The following LHFPL4 variants were observed in gnomAD, a reference collection of about 807,000 sequenced individuals.
LHFPL4 encodes the protein LHFPL tetraspan subfamily member 4, also known as LHFPL tetraspan subfamily member 4 protein.
In LHFPL4, 6 loss-of-function variants were observed where a neutral mutation model predicts 20.0. The observed-to-expected ratio is 0.30, with a 90% CI of 0.16 to 0.59. The LOEUF (loss-of-function observed/expected upper bound fraction) is 0.59. Ranked by LOEUF, LHFPL4 falls within the 20% of genes least tolerant of loss-of-function variation. The pLI, the probability that LHFPL4 is intolerant of heterozygous loss-of-function variation, is 0.88. For synonymous variants in LHFPL4, 129 were observed against 143.8 expected, an observed-to-expected ratio of 0.90 and a Z score of 0.74; for missense variants, 215 against 331.2, an observed-to-expected ratio of 0.65 and a Z score of 2.72.
chr3:9,524,882 T>C (rs2046363265), intron 2 of LHFPL4, among the ~76,000 whole-genome samples: 1 of 152,066 alleles, frequency 6.6e-6, no homozygotes, highest in Non-Finnish European at 1.5e-5. Flanking sequence ...AGTGATGTGG[T>C]GGTAAGATGT....
At chr3:9,513,566 C>G (rs2046276248) in intron 2 of LHFPL4, among the ~76,000 whole-genome samples, 1 of 152,172 alleles carries the variant, frequency 6.6e-6, no homozygotes, top group South Asian at 2.1e-4. Context: ...CTCCTGGCCT[C>G]AAATGATCCT....
intron 3 of LHFPL4, 45 bp downstream of exon 3, chr3:9,505,922 C>G: frequency 1.9e-6 from 3 of 1,543,128 alleles, no homozygotes; most frequent in African/African-American, 1.4e-5. Context: ...CTCCCAGGAC[C>G]AGGCCTGGCT....
intron 2 of LHFPL4, among the ~76,000 whole-genome samples, chr3:9,524,089 T>A (rs146461065): frequency 4.7e-4 from 72 of 151,760 alleles, no homozygotes; most frequent in African/African-American, 1.6e-3. Flanking sequence ...GTAAGATGTT[T>A]GTTTTTTGTT....
intron 2 of LHFPL4, among the ~76,000 whole-genome samples, chr3:9,537,360 G>C (rs1436490578): frequency 3.9e-5 from 6 of 152,180 alleles, no homozygotes; most frequent in Admixed American, 3.3e-4. Context: ...GTTTTGGAGG[G>C]GGGTACTGTT....
intron 2 of LHFPL4, among the ~76,000 whole-genome samples, chr3:9,508,015 C>G (rs1439847051): frequency 2.0e-5 from 3 of 152,234 alleles, no homozygotes; most frequent in African/African-American, 7.2e-5. Context: ...TGAGCCTGCA[C>G]CAGGTCCACA....
chr3:9,538,880 G>A (rs2046460116), intron 2 of LHFPL4, among the ~76,000 whole-genome samples: 1 of 151,582 alleles, frequency 6.6e-6, no homozygotes, highest in Admixed American at 6.6e-5. Flanking sequence ...TTGTATTTTT[G>A]GTGGAGATGG....
intron 2 of LHFPL4, among the ~76,000 whole-genome samples, chr3:9,517,618 C>A (rs2046311689): frequency 6.7e-6 from 1 of 149,836 alleles, no homozygotes; most frequent in East Asian, 2.0e-4. Flanking sequence ...ATTGGTTGAG[C>A]CCAGGCCACA....
In LHFPL4 at chr3:9,499,265, A is replaced by T. The variant is rs2046153711; in HGVS notation, c.*2946T>A. The T allele has an allele frequency of 6.6e-6, 1 of 152,404 alleles. No homozygotes were observed. The allele number at this position is 152,404 out of a possible 1,614,324, so 9.4% of individuals were successfully genotyped here. On this transcript the variant is annotated 3_prime_UTR_variant, in exon 4 of 4. Transcript: ENST00000287585. Reference sequence around the variant, plus strand: ...AAAGCCCCCTTCCCATGATGTCTTTATTGCCCCAGGAGGGCCATCAGGGCC... The same window carrying T: ...AAAGCCCCCTTCCCATGATGTCTTTTTTGCCCCAGGAGGGCCATCAGGGCC...
intron 2 of LHFPL4, among the ~76,000 whole-genome samples, chr3:9,542,310 T>A (rs898328094): frequency 1.3e-5 from 2 of 151,920 alleles, no homozygotes; most frequent in Non-Finnish European, 2.9e-5. Flanking sequence ...GAAATTTGTA[T>A]ACAAATGTTT....
chr3:9,506,915 A>G lies in LHFPL4; in HGVS notation c.407-712T>C, dbSNP rs1159938910. On this transcript the variant is annotated intron_variant, in intron 2 of 3. Transcript: ENST00000287585. The surrounding 1 kb of genome is among the most constrained non-coding windows in gnomAD (Gnocchi z 4.5). ...TTTTTTAAATTCTTGTCCTTCACCC[A>G]TCAAATGTTTATTGGGCACCATTTT... Among the ~76,000 whole-genome samples, 2 of 152,134 alleles carry G rather than the reference A, an allele frequency of 1.3e-5. No homozygotes were observed. The highest frequency in any genetic ancestry group is 4.8e-5 in the African/African-American group (2 of 41,428).
intron 2 of LHFPL4, among the ~76,000 whole-genome samples, chr3:9,546,095 C>G (rs1687238834): frequency 6.6e-6 from 1 of 152,022 alleles, no homozygotes; most frequent in Non-Finnish European, 1.5e-5. Flanking sequence ...CAGCGGATCA[C>G]TTGAGGTCAG....
At chr3:9,546,022 C>T (rs1356531239) in intron 2 of LHFPL4, among the ~76,000 whole-genome samples, 1 of 152,092 alleles carries the variant, frequency 6.6e-6, no homozygotes, top group East Asian at 1.9e-4. Flanking sequence ...TAATTAAGAA[C>T]ACACATCTGG....
At chr3:9,505,944 C>A (rs1165412407) in intron 3 of LHFPL4, 23 bp downstream of exon 3, 3 of 1,605,348 alleles carry the variant, frequency 1.9e-6, no homozygotes, top group Non-Finnish European at 8.5e-7. Context: ...CCGCCGCTGC[C>A]CCCCAGCCCA....
rs142106380 is a variant in LHFPL4, at chr3:9,548,293, G to A, written c.406+3981C>T. On this transcript the variant is annotated intron_variant, in intron 2 of 3. Coordinates refer to ENST00000287585, the MANE Select transcript of LHFPL4 (RefSeq NM_198560.3). The stretch of plus-strand genomic sequence containing the variant: ...TCAAATTATATAATGCATGTAAAAT[G>A]TTAGCTATTTTTCTGTAATAATGAT... Among the ~76,000 whole-genome samples the A allele has an allele frequency of 1.2e-3, 187 of 152,278 alleles. 1 individual carries two copies. Among genetic ancestry groups the A allele is most frequent in the Middle Eastern group, 3.4e-3 (1 of 294 alleles).
Position 9,499,947 on chromosome 3 carries a change from C to G in LHFPL4, c.*2264G>C, listed in dbSNP as rs1313887396. The G allele has an allele frequency of 6.6e-6, 1 of 152,394 alleles. No individual in the cohort carries two copies. Among genetic ancestry groups the G allele is most frequent in the African/African-American group, 2.4e-5 (1 of 41,256 alleles). 9.4% of individuals were successfully genotyped at this position (152,394 alleles called of 1,614,324 possible). A position where few individuals can be genotyped will look rare whatever the true frequency, so the allele number is the denominator to read the frequency against. On this transcript the variant is annotated 3_prime_UTR_variant, in exon 4 of 4. Coordinates refer to ENST00000287585, the MANE Select transcript of LHFPL4 (RefSeq NM_198560.3). The stretch of plus-strand genomic sequence containing the variant: ...TCTTCCCCGCTCCCGAGTCCTTTTT[C>G]CGCCTTTTCATCCATTTCCCCTCCC...
At chr3:9,518,583 A>G (rs1343462367) in intron 2 of LHFPL4, among the ~76,000 whole-genome samples, 1 of 152,164 alleles carries the variant, frequency 6.6e-6, no homozygotes. Flanking sequence ...TTCAATAGAT[A>G]TAGGTTTATT....
At chr3:9,511,401 C>T (rs1051987645) in intron 2 of LHFPL4, among the ~76,000 whole-genome samples, 1 of 151,554 alleles carries the variant, frequency 6.6e-6, no homozygotes, top group African/African-American at 2.4e-5. Flanking sequence ...CCTCATTATA[C>T]GAATGAGGAA....
At chr3:9,540,718 A>G (rs529629099) in intron 2 of LHFPL4, among the ~76,000 whole-genome samples, 1 of 151,236 alleles carries the variant, frequency 6.6e-6, no homozygotes, top group Non-Finnish European at 1.5e-5. Context: ...CATAGCAAGA[A>G]TCTGTCTTTT....
At chr3:9,531,505 T>C (rs1210596072) in intron 2 of LHFPL4, among the ~76,000 whole-genome samples, 1 of 151,994 alleles carries the variant, frequency 6.6e-6, no homozygotes, top group Non-Finnish European at 1.5e-5. Flanking sequence ...GGAGAGCTTT[T>C]AAGAAATAAG....
Sources: allele counts gnomAD v4.1 joint callset (sites outside exome capture counted in the v4.1 genomes callset), GRCh38; gene constraint gnomAD v4.1.1; non-coding constraint Gnocchi (gnomAD v3.1); transcripts MANE v1.5; gene names NCBI Gene and HGNC (gene_info 2026-07-23, HGNC 2026-07-21).